Variants in MAP2K5 observed in about 807,000 individuals in gnomAD.
MAP2K5 encodes mitogen-activated protein kinase kinase 5.
Under a neutral mutation model 83.1 loss-of-function variants are expected in MAP2K5, and 49 were observed. The observed-to-expected ratio is 0.59, with a 90% CI of 0.47 to 0.75. The LOEUF (loss-of-function observed/expected upper bound fraction) is 0.75, where lower values mean the gene tolerates loss of function less well. Ranked by LOEUF, MAP2K5 falls within the 30% of genes least tolerant of loss-of-function variation. MAP2K5 has a pLI of 0.00. For synonymous variants in MAP2K5, 202 were observed against 191.8 expected (o/e 1.05, Z -0.44); for missense variants, 457 against 557.5 (o/e 0.82, Z 1.82).
At chr15:67,566,164 TC>T (rs926668097) in intron 3 of MAP2K5, among the ~76,000 whole-genome samples, 5 of 152,154 alleles carry the variant, frequency 3.3e-5, no homozygotes, top group African/African-American at 9.7e-5. Flanking sequence ...GCTGTTTTTT[TC>T]TTTTGTTTTT....
In MAP2K5 at chr15:67,559,928, T is replaced by C. The variant is rs570708851; in HGVS notation, c.185-3355T>C. Among the ~76,000 whole-genome samples the C allele has an allele frequency of 2.0e-5, 3 of 152,380 alleles. No homozygotes were observed. The South Asian group carries it at 6.2e-4, about 32-fold the overall frequency. ...TCTTAGTACCACTACTTTCTAGTGT[T>C]GTTCTCTAACATATTTGTACCTCTG... On this transcript the variant is annotated intron_variant, in intron 2 of 21. Transcript: ENST00000178640. This position sits in a 1 kb window ranked among gnomAD's most constrained non-coding sequence, Gnocchi z 4.7.
intron 8 of MAP2K5, among the ~76,000 whole-genome samples, chr15:67,602,646 G>GGTTT (rs1281539622): frequency 6.6e-6 from 1 of 152,130 alleles, no homozygotes; most frequent in Non-Finnish European, 1.5e-5. Context: ...TTAAAACATA[G>GGTTT]GCTTGTTTGT....
In MAP2K5 at chr15:67,719,538, G is replaced by A. The variant is rs2088903026; in HGVS notation, c.1045-8378G>A. Among the ~76,000 whole-genome samples the A allele has an allele frequency of 6.6e-6, 1 of 152,178 alleles. No homozygotes were observed. The highest frequency in any genetic ancestry group is 2.1e-4 in the South Asian group (1 of 4,822). On this transcript the variant is annotated intron_variant, in intron 16 of 21. Transcript: ENST00000178640. The surrounding 1 kb of genome is among the most constrained non-coding windows in gnomAD (Gnocchi z 4.6). ...AAACACAGGAAGATGTAGAACACTGGGAACTGTCACCAGGAAGGATGTGAT... is the reference window on the plus strand; with the variant it reads ...AAACACAGGAAGATGTAGAACACTGAGAACTGTCACCAGGAAGGATGTGAT...
chr15:67,571,876 C>T (rs1018495236), intron 3 of MAP2K5, among the ~76,000 whole-genome samples: 6 of 152,118 alleles, frequency 3.9e-5, no homozygotes, highest in African/African-American at 1.4e-4. Flanking sequence ...GTTCTCTGGC[C>T]AAGCACTATG....
Position 67,543,104 on chromosome 15 carries a change from C to G in MAP2K5, c.-232C>G, listed in dbSNP as rs900212812. ...TTCCTGCGGGCCTTTGCCCGCTTCC[C>G]GGTGCACCCTCCCCGGGAGACACCT... On this transcript the variant is annotated 5_prime_UTR_variant, in exon 1 of 22. Transcript: ENST00000178640. This position sits in a 1 kb window ranked among gnomAD's most constrained non-coding sequence, Gnocchi z 4.3. The G allele has an allele frequency of 5.3e-6, 3 of 565,426 alleles. No homozygotes were observed. The highest frequency in any genetic ancestry group is 1.9e-5 in the African/African-American group (1 of 53,192). The allele number at this position is 565,426 out of a possible 1,614,324, so 35.0% of individuals were successfully genotyped here. A position where few individuals can be genotyped will look rare whatever the true frequency, so the allele number is the denominator to read the frequency against.
At chr15:67,693,602 C>G (rs756246642) in intron 15 of MAP2K5, 34 bp downstream of exon 15, 2 of 1,454,348 alleles carry the variant, frequency 1.4e-6, no homozygotes, top group East Asian at 4.5e-5. Flanking sequence ...ATGTTTAAAA[C>G]CAACATCTTT....
rs80224115 is a variant in MAP2K5, at chr15:67,569,834, T to C, written c.252+6484T>C. Among the ~76,000 whole-genome samples the C allele has an allele frequency of 2.6e-5, 4 of 152,338 alleles. No individual in the cohort carries two copies. In the East Asian group the frequency reaches 7.7e-4, roughly 29 times the overall value. The stretch of plus-strand genomic sequence containing the variant: ...TGGCTCTGCTCCCAGTTCAGTTCCA[T>C]CTCTGTGGAGGGTTCCGCTTAGCCT... On this transcript the variant is annotated intron_variant, in intron 3 of 21. Coordinates refer to ENST00000178640, the MANE Select transcript of MAP2K5 (RefSeq NM_145160.3).
chr15:67,641,211 A>G (rs2086704127), intron 9 of MAP2K5, among the ~76,000 whole-genome samples: 1 of 152,206 alleles, frequency 6.6e-6, no homozygotes, highest in Non-Finnish European at 1.5e-5. Context: ...TTAGCATTGT[A>G]TATTGCATGT....
intron 12 of MAP2K5, among the ~76,000 whole-genome samples, chr15:67,663,766 T>C (rs2087300096): frequency 6.6e-6 from 1 of 152,152 alleles, no homozygotes; most frequent in Non-Finnish European, 1.5e-5. Flanking sequence ...TCCCACCTAC[T>C]CAGGAGGCTG....
At chr15:67,624,110 A>T (rs7166790) in intron 8 of MAP2K5, among the ~76,000 whole-genome samples, 16 of 150,338 alleles carry the variant, frequency 1.1e-4, no homozygotes, top group East Asian at 8.0e-4. Context: ...GAGGCCAAGG[A>T]GGGCTGATCA....
chr15:67,546,782 G>A (rs145362235), intron 1 of MAP2K5, among the ~76,000 whole-genome samples: 17 of 152,208 alleles, frequency 1.1e-4, no homozygotes, highest in African/African-American at 4.1e-4. Flanking sequence ...TAAGACTTCT[G>A]GGCCAGGAGT....
chr15:67,597,126 G>A (rs1488866794), intron 7 of MAP2K5, among the ~76,000 whole-genome samples: 2 of 149,764 alleles, frequency 1.3e-5, no homozygotes, highest in Non-Finnish European at 3.0e-5. Flanking sequence ...CCGAGATCAC[G>A]TCACTGCACT....
intron 13 of MAP2K5, among the ~76,000 whole-genome samples, chr15:67,691,918 A>G (rs2088124137): frequency 6.6e-6 from 1 of 152,262 alleles, no homozygotes; most frequent in Non-Finnish European, 1.5e-5. Flanking sequence ...TAAATTTCTA[A>G]GTATTATCTG....
intron 13 of MAP2K5, among the ~76,000 whole-genome samples, chr15:67,681,221 A>G (rs2087808270): frequency 6.6e-6 from 1 of 152,198 alleles, no homozygotes; most frequent in Admixed American, 6.5e-5. Flanking sequence ...CATATACAGG[A>G]TATGATGTAC....
chr15:67,549,309 C>G, intron 1 of MAP2K5: 3 of 1,016,802 alleles, frequency 3.0e-6, no homozygotes, highest in East Asian at 2.6e-5. Context: ...AGATTATATA[C>G]CCTTTTTAGA....
In MAP2K5 at chr15:67,630,914, T is replaced by C; in HGVS notation, c.572T>C (p.Ile191Thr). Residue 191 changes from isoleucine (I) to threonine (T), a missense_variant, in exon 9 of 22, where the codon ATA becomes ACA. Transcript: ENST00000178640. Reference sequence around the variant, plus strand: ...GCATATCATGTCCCGAGTGGGAAAATATTAGCTGTAAAGGTAAGTACTGGA... The same window carrying C: ...GCATATCATGTCCCGAGTGGGAAAACATTAGCTGTAAAGGTAAGTACTGGA... ...YKAYHVPSGK[I>T]LAVKVILLDI... 1.2e-6 allele frequency: 2 copies of C among 1,609,628 alleles called. No homozygotes were observed. Among genetic ancestry groups the C allele is most frequent in the Non-Finnish European group, 1.7e-6 (2 of 1,177,372 alleles).
In MAP2K5 at chr15:67,757,090, C is replaced by CT. The variant is rs1596920454; in HGVS notation, c.1134+8496dup. Among the ~76,000 whole-genome samples, 1 of 151,932 alleles carries CT rather than the reference C, an allele frequency of 6.6e-6. No individual in the cohort carries two copies. The highest frequency in any genetic ancestry group is 6.6e-5 in the Admixed American group (1 of 15,256). On this transcript the variant is annotated intron_variant, in intron 19 of 21. Coordinates refer to ENST00000178640, the MANE Select transcript of MAP2K5 (RefSeq NM_145160.3). This position sits in a 1 kb window ranked among gnomAD's most constrained non-coding sequence, Gnocchi z 4.9. ...TGGATTACTGAATCATAGCGTAGTT[C>CT]TTTTTTTAGTTTTTTGAGGAACCTC...
At chr15:67,618,257 A>G (rs1186989912) in intron 8 of MAP2K5, among the ~76,000 whole-genome samples, 1 of 152,228 alleles carries the variant, frequency 6.6e-6, no homozygotes, top group East Asian at 1.9e-4. Context: ...GGGGAGATAT[A>G]ACATCAACTT....
intron 8 of MAP2K5, among the ~76,000 whole-genome samples, chr15:67,605,446 C>G (rs569794978): frequency 2.0e-5 from 3 of 152,268 alleles, no homozygotes; most frequent in African/African-American, 7.2e-5. Flanking sequence ...ACACATTATA[C>G]TTCTGTATTT....
Sources: allele counts gnomAD v4.1 joint callset (sites outside exome capture counted in the v4.1 genomes callset), GRCh38; gene constraint gnomAD v4.1.1; non-coding constraint Gnocchi (gnomAD v3.1); transcripts MANE v1.5; gene names NCBI Gene and HGNC (gene_info 2026-07-23, HGNC 2026-07-21).